The following LPIN3 variants were observed in gnomAD, a reference collection of about 807,000 sequenced individuals.
The protein encoded by LPIN3 is lipin 3.
LPIN3 carries 82 observed loss-of-function variants against 94.7 expected under a neutral mutation model. The ratio of observed to expected loss-of-function variants is 0.87; its 90% CI spans 0.72 to 1.04. The LOEUF is 1.04. Ranked by LOEUF, LPIN3 falls within the 50% of genes least tolerant of loss-of-function variation. LPIN3 has a pLI of 0.00. For missense variants in LPIN3, 996 were observed against 1,090.5 expected (o/e 0.91, Z 1.22); for synonymous variants, 418 against 443.3 (o/e 0.94, Z 0.72).
intron 5 of LPIN3, 37 bp from the exon 6 acceptor site, chr20:41,349,737 T>C (rs2045929689): frequency 6.3e-7 from 1 of 1,583,884 alleles, no homozygotes; most frequent in Admixed American, 1.8e-5. Context: ...CGGGGATGGG[T>C]AGGCAGGCTC....
intron 1 of LPIN3, among the ~76,000 whole-genome samples, chr20:41,344,849 G>A (rs1167656073): frequency 6.6e-6 from 1 of 152,180 alleles, no homozygotes; most frequent in African/African-American, 2.4e-5. Flanking sequence ...GTTGAAATTG[G>A]GGTCTGAGAA....
Position 41,359,121 on chromosome 20 carries a change from T to TTA in LPIN3, c.*256_*257insAT. The TTA allele has an allele frequency of 2.5e-5, 6 of 236,856 alleles. No individual in the cohort carries two copies. The highest frequency in any genetic ancestry group is 8.2e-5 in the East Asian group (1 of 12,144). 14.7% of individuals were successfully genotyped at this position (236,856 alleles called of 1,614,324 possible). A position where few individuals can be genotyped will look rare whatever the true frequency, so the allele number is the denominator to read the frequency against. ...GCTTGTCATCTGGGCCCTTGCAGGG[T>TTA]TCTTTTTTTTTTTTTTTTTTTTTTT... On this transcript the variant is annotated 3_prime_UTR_variant, in exon 20 of 20. Transcript: ENST00000373257.
chr20:41,354,142 T>C (rs1020526430), intron 11 of LPIN3, among the ~76,000 whole-genome samples: 6 of 152,134 alleles, frequency 3.9e-5, no homozygotes, highest in Admixed American at 1.3e-4. Context: ...TTTCACAAGG[T>C]CAACTTGCCC....
chr20:41,354,377 T>C (rs2146987463), intron 11 of LPIN3, among the ~76,000 whole-genome samples: 1 of 152,298 alleles, frequency 6.6e-6, no homozygotes, highest in South Asian at 2.1e-4. Flanking sequence ...CCACAAGATT[T>C]GGAGGCCAGG....
chr20:41,351,046 A>C (rs2045989361), intron 7 of LPIN3, among the ~76,000 whole-genome samples: 1 of 151,930 alleles, frequency 6.6e-6, no homozygotes, highest in South Asian at 2.1e-4. Context: ...TTCAAGATCA[A>C]GCCTGGGCAA....
At chr20:41,355,632 A>C (rs2046181371) in intron 13 of LPIN3, among the ~76,000 whole-genome samples, 1 of 152,210 alleles carries the variant, frequency 6.6e-6, no homozygotes, top group Non-Finnish European at 1.5e-5. Flanking sequence ...TAGGTATTTC[A>C]GGTAAATATC....
At chr20:41,345,659 GC>G in intron 1 of LPIN3, 136 bp from the exon 2 acceptor site, 1 of 884,814 alleles carries the variant, frequency 1.1e-6, no homozygotes, top group Non-Finnish European at 1.7e-6. Flanking sequence ...CCATCGCACA[GC>G]TGCTGCCATC....
intron 1 of LPIN3, 89 bp from the exon 2 acceptor site, chr20:41,345,707 A>C: frequency 7.3e-7 from 1 of 1,373,492 alleles, no homozygotes; most frequent in East Asian, 2.3e-5. Context: ...ACAAATGTAA[A>C]CTTGGGGGTC....
intron 15 of LPIN3, 71 bp downstream of exon 15, chr20:41,357,259 G>C (rs1287074927): frequency 1.2e-6 from 2 of 1,605,602 alleles, no homozygotes; most frequent in Non-Finnish European, 1.7e-6. Context: ...TGCTGGGTGT[G>C]GTGGGGAGTG....
At position 41,354,715 on chromosome 20, in the gene LPIN3, G is replaced by T; in HGVS notation, c.1598G>T (p.Arg533Leu). ...KGGRWWFSWR[R>L]RDFLAEERSA... ...GGGCGATGGTGGTTTTCCTGGCGAC[G>T]CAGGGACTTCCTGGCCGAGGAGGTG... Residue 533 changes from arginine to leucine, a missense_variant, in exon 12 of 20, where the codon CGC becomes CTC. Transcript: ENST00000373257. 6.2e-7 allele frequency: 1 copy of T among 1,607,386 alleles called. No individual in the cohort carries two copies.
At position 41,350,366 on chromosome 20, in the gene LPIN3, C is replaced by T. The variant is rs747133456; in HGVS notation, c.1071C>T (p.Thr357=). The change falls in exon 7 of 20, where the codon ACC becomes ACT. Residue 357 remains threonine, a synonymous_variant. Transcript: ENST00000373257. ...SWATLEVPVP[T]GQPERVSRGK... Reference sequence around the variant, plus strand: ...CCACTCTGGAGGTTCCAGTTCCCACCGGGCAGCCAGAGAGGGTCTCCAGGG... The same window carrying T: ...CCACTCTGGAGGTTCCAGTTCCCACTGGGCAGCCAGAGAGGGTCTCCAGGG... 32 of 1,585,176 alleles carry T rather than the reference C, an allele frequency of 2.0e-5. No individual in the cohort carries two copies. The East Asian group carries it at 5.0e-4, about 25-fold the overall frequency.
Position 41,359,120 on chromosome 20 carries a change from GTTCTT to G in LPIN3, c.*257_*261del. 4.2e-6 allele frequency: 1 copy of G among 240,570 alleles called. No homozygotes were observed. The highest frequency in any genetic ancestry group is 1.6e-4 in the South Asian group (1 of 6,362). The allele number at this position is 240,570 out of a possible 1,614,324, so 14.9% of individuals were successfully genotyped here. On this transcript the variant is annotated 3_prime_UTR_variant, in exon 20 of 20. Coordinates refer to ENST00000373257, the MANE Select transcript of LPIN3 (RefSeq NM_022896.3). ...AGCTTGTCATCTGGGCCCTTGCAGG[GTTCTT>G]TTTTTTTTTTTTTTTTTTTTTTTCC...
chr20:41,358,131 G>A, intron 17 of LPIN3, 97 bp downstream of exon 17: 1 of 1,582,598 alleles, frequency 6.3e-7, no homozygotes, highest in East Asian at 2.2e-5. Flanking sequence ...AAGCTCTCAG[G>A]TGGCAAGGAG....
intron 1 of LPIN3, among the ~76,000 whole-genome samples, chr20:41,343,798 G>A (rs983963745): frequency 1.3e-5 from 2 of 152,232 alleles, no homozygotes; most frequent in Non-Finnish European, 1.5e-5. Flanking sequence ...AATGGCTCAC[G>A]CCTGTAGTCC....
intron 16 of LPIN3, 118 bp from the exon 17 acceptor site, chr20:41,357,764 C>A: frequency 7.3e-7 from 1 of 1,362,794 alleles, no homozygotes; most frequent in Non-Finnish European, 1.0e-6. Context: ...AAGTCCCCTC[C>A]CTGCAAAGGT....
intron 16 of LPIN3, 70 bp downstream of exon 16, chr20:41,357,517 A>G (rs1163448720): frequency 7.3e-7 from 1 of 1,378,246 alleles, no homozygotes; most frequent in Non-Finnish European, 1.0e-6. Flanking sequence ...ACAGGACAGG[A>G]CATCTTGGGG....
At chr20:41,354,965 GT>G in intron 13 of LPIN3, 102 bp downstream of exon 13, 1 of 1,173,400 alleles carries the variant, frequency 8.5e-7, no homozygotes, top group Middle Eastern at 3.0e-4. Flanking sequence ...GTCTCCAGCT[GT>G]GGGTTTTTTT....
chr20:41,347,669 C>T (rs754263452), intron 3 of LPIN3, 22 bp downstream of exon 3: 2 of 1,591,806 alleles, frequency 1.3e-6, no homozygotes, highest in East Asian at 4.5e-5. Flanking sequence ...CTCCTAACAG[C>T]ACCTGCCCCG....
chr20:41,355,480 G>A (rs1320495692), intron 13 of LPIN3, among the ~76,000 whole-genome samples: 3 of 152,268 alleles, frequency 2.0e-5, no homozygotes, highest in Non-Finnish European at 2.9e-5. Flanking sequence ...AGGGCCTCTC[G>A]CAGCCCAAAT....
Sources: allele counts gnomAD v4.1 joint callset (sites outside exome capture counted in the v4.1 genomes callset), GRCh38; gene constraint gnomAD v4.1.1; transcripts MANE v1.5; gene names NCBI Gene and HGNC (gene_info 2026-07-23, HGNC 2026-07-21).